Variants in ERP27 observed in about 807,000 individuals in gnomAD.
The protein encoded by ERP27 is endoplasmic reticulum protein 27, also known as endoplasmic reticulum resident protein 27.
A neutral mutation model predicts 27.7 loss-of-function variants in ERP27; 23 were observed. The ratio of observed to expected loss-of-function variants is 0.83; its 90% CI spans 0.60 to 1.18. The LOEUF (loss-of-function observed/expected upper bound fraction) is 1.18, where lower values mean the gene tolerates loss of function less well. ERP27 is among the 50% of genes most tolerant of loss of function. The pLI, the probability that ERP27 is intolerant of heterozygous loss-of-function variation, is 0.00. For missense variants in ERP27, 363 were observed against 327.9 expected, an observed-to-expected ratio of 1.11 and a Z score of -0.83; for synonymous variants, 159 against 118.3, an observed-to-expected ratio of 1.34 and a Z score of -2.23.
intron 3 of ERP27, among the ~76,000 whole-genome samples, chr12:14,924,088 C>G (rs557339172): frequency 3.3e-5 from 5 of 152,264 alleles, no homozygotes; most frequent in African/African-American, 1.2e-4. Context: ...TTCTATAGAT[C>G]CATTTTTTAG....
At chr12:14,921,506 A>T (rs1258009716) in intron 3 of ERP27, among the ~76,000 whole-genome samples, 1 of 152,158 alleles carries the variant, frequency 6.6e-6, no homozygotes, top group Non-Finnish European at 1.5e-5. Flanking sequence ...AGGGATAAGG[A>T]AGAGCAAATT....
At chr12:14,938,078 G>C in intron 1 of ERP27, 26 bp from the exon 2 acceptor site, 3 of 1,579,514 alleles carry the variant, frequency 1.9e-6, no homozygotes, top group Non-Finnish European at 1.7e-6. Context: ...GAAGATGTCA[G>C]GGTACTGAGG....
intron 3 of ERP27, among the ~76,000 whole-genome samples, chr12:14,923,490 TC>T: frequency 8.6e-6 from 1 of 115,850 alleles, no homozygotes; most frequent in African/African-American, 3.6e-5. Context: ...CTATCTATAA[TC>T]AATCTATCTA....
chr12:14,934,072 T>TC (rs1288979095), intron 3 of ERP27, among the ~76,000 whole-genome samples: 2 of 152,238 alleles, frequency 1.3e-5, no homozygotes, highest in Non-Finnish European at 2.9e-5. Context: ...TTCTACTTTT[T>TC]CCCCACAATA....
chr12:14,920,279 G>A (rs1863480914), intron 4 of ERP27, among the ~76,000 whole-genome samples: 1 of 152,220 alleles, frequency 6.6e-6, no homozygotes, highest in Non-Finnish European at 1.5e-5. Context: ...CACCAGGAGA[G>A]AAGGCTGAGG....
intron 6 of ERP27, 81 bp downstream of exon 6, chr12:14,915,408 G>T (rs961249636): frequency 8.8e-6 from 13 of 1,482,776 alleles, no homozygotes; most frequent in South Asian, 6.2e-5. Context: ...CCCTCTCTGA[G>T]CCCAAAGAAT....
chr12:14,923,175 G>A (rs1028139416), intron 3 of ERP27, among the ~76,000 whole-genome samples: 12 of 152,022 alleles, frequency 7.9e-5, no homozygotes, highest in Admixed American at 1.3e-4. Context: ...GCATTAATTG[G>A]GGCATTGGTC....
At position 14,914,576 on chromosome 12, in the gene ERP27, G is replaced by A. The variant is rs1863375824; in HGVS notation, c.*159C>T. 4 of 550,478 alleles carry A rather than the reference G, an allele frequency of 7.3e-6. No homozygotes were observed. The highest frequency in any genetic ancestry group is 6.4e-5 in the South Asian group (3 of 46,748). The allele number at this position is 550,478 out of a possible 1,614,324, so 34.1% of individuals were successfully genotyped here. ...TGAAGCTCTGTGTGTGTGTGTGTGT[G>A]TGCGTGTGTGTGTGCACGCGTGCGT... is the stretch of plus-strand genomic sequence containing the variant. On this transcript the variant is annotated 3_prime_UTR_variant, in exon 7 of 7. Coordinates refer to ENST00000266397, the MANE Select transcript of ERP27 (RefSeq NM_152321.4).
At chr12:14,920,352 A>G (rs1316966196) in intron 4 of ERP27, among the ~76,000 whole-genome samples, 1 of 152,174 alleles carries the variant, frequency 6.6e-6, no homozygotes, top group African/African-American at 2.4e-5. Flanking sequence ...CAGACCAGGA[A>G]CTGTTTGTTA....
chr12:14,935,585 G>C (rs1317720979), intron 2 of ERP27, among the ~76,000 whole-genome samples: 1 of 152,144 alleles, frequency 6.6e-6, no homozygotes. Flanking sequence ...ACCTGACCAA[G>C]GACAAAGAAG....
intron 6 of ERP27, among the ~76,000 whole-genome samples, 163 bp from the exon 7 acceptor site, chr12:14,914,945 C>T (rs1286710213): frequency 6.6e-6 from 1 of 151,984 alleles, no homozygotes; most frequent in Non-Finnish European, 1.5e-5. Context: ...CAAAATTCAG[C>T]CTCTGAATAT....
At chr12:14,919,468 A>G (rs1312900816) in intron 4 of ERP27, among the ~76,000 whole-genome samples, 2 of 152,186 alleles carry the variant, frequency 1.3e-5, no homozygotes, top group African/African-American at 4.8e-5. Context: ...CCCCACATGC[A>G]GAAGAACACC....
intron 2 of ERP27, among the ~76,000 whole-genome samples, chr12:14,936,828 G>A (rs1020249099): frequency 3.3e-5 from 5 of 152,084 alleles, no homozygotes; most frequent in African/African-American, 1.2e-4. Context: ...GCTGAACTGT[G>A]ATTCAATTAA....
Position 14,915,773 on chromosome 12 carries a change from A to C in ERP27, c.577-87T>G. On this transcript the variant is annotated intron_variant, in intron 5 of 6. Transcript: ENST00000266397. ...ATACCTTGTAATTGTTGCAGCTCACACTGATTGAATTTATGGTCTGCACCA... is the reference window on the plus strand; with the variant it reads ...ATACCTTGTAATTGTTGCAGCTCACCCTGATTGAATTTATGGTCTGCACCA... 2.5e-6 allele frequency: 3 copies of C among 1,179,332 alleles called. No homozygotes were observed. In the South Asian group the frequency reaches 4.2e-5, roughly 17 times the overall value. 73.1% of individuals were successfully genotyped at this position (1,179,332 alleles called of 1,614,324 possible). A position where few individuals can be genotyped will look rare whatever the true frequency, so the allele number is the denominator to read the frequency against.
chr12:14,922,280 C>T (rs1024195226), intron 3 of ERP27, among the ~76,000 whole-genome samples: 5 of 152,130 alleles, frequency 3.3e-5, no homozygotes, highest in Non-Finnish European at 7.4e-5. Context: ...CATTGCTCCA[C>T]ATCCTTGTCA....
intron 3 of ERP27, chr12:14,929,137 AT>A: frequency 6.9e-7 from 1 of 1,451,774 alleles, no homozygotes; most frequent in Non-Finnish European, 9.1e-7. Flanking sequence ...TGGATCAAGA[AT>A]CCCCCCCTCC....
Position 14,934,894 on chromosome 12 carries a change from A to T in ERP27, c.295T>A (p.Tyr99Asn). 4 of 1,614,116 alleles carry T rather than the reference A, an allele frequency of 2.5e-6. No homozygotes were observed. The highest frequency in any genetic ancestry group is 2.2e-5 in the East Asian group (1 of 44,886). ...ISTDSEVLTH[Y>N]NITGNTICLF... is the part of the protein sequence containing the mutation. Reference sequence around the variant, plus strand: ...CAGATGGTGTTCCCAGTGATGTTGTAGTGTGTCAGAACCTCAGAATCAGTG... The same window carrying T: ...CAGATGGTGTTCCCAGTGATGTTGTTGTGTGTCAGAACCTCAGAATCAGTG... The change falls in exon 3 of 7, where the codon TAC becomes AAC. Residue 99 changes from tyrosine to asparagine, a missense_variant. By Grantham distance (143) the Tyr-to-Asn change is moderately radical (BLOSUM62 -2). Coordinates refer to ENST00000266397, the MANE Select transcript of ERP27 (RefSeq NM_152321.4).
intron 2 of ERP27, among the ~76,000 whole-genome samples, chr12:14,937,466 A>G (rs1303959728): frequency 6.6e-6 from 1 of 152,224 alleles, no homozygotes; most frequent in Non-Finnish European, 1.5e-5. Flanking sequence ...CAAGGCAAAG[A>G]GAAAGAAGGA....
intron 3 of ERP27, among the ~76,000 whole-genome samples, chr12:14,924,823 C>T (rs1287814286): frequency 1.3e-5 from 2 of 152,326 alleles, no homozygotes; most frequent in East Asian, 3.9e-4. Context: ...GCACAAGATA[C>T]AGGTCATAAA....
Sources: gnomAD v4.1 joint callset for allele counts (sites outside exome capture counted in the v4.1 genomes callset) on GRCh38, gnomAD v4.1.1 for gene constraint, MANE v1.5 for transcripts, NCBI Gene and HGNC (gene_info 2026-07-23, HGNC 2026-07-21) for gene names.